Variants in PTPRN2 observed in about 807,000 individuals in gnomAD.
The protein encoded by PTPRN2 is protein tyrosine phosphatase receptor type N2.
Under a neutral mutation model 118.8 loss-of-function variants are expected in PTPRN2, and 74 were observed. The observed-to-expected ratio is 0.62, with a 90% CI of 0.52 to 0.76. The LOEUF is 0.76. PTPRN2 is among the 30% of genes least tolerant of loss of function. The pLI, the probability that PTPRN2 is intolerant of heterozygous loss-of-function variation, is 0.00. For missense variants in PTPRN2, 1,481 were observed against 1,394.4 expected (o/e 1.06, Z -0.99); for synonymous variants, 641 against 608.0 (o/e 1.05, Z -0.80).
At chr7:157,651,085 T>C (rs1805625496) in intron 14 of PTPRN2, among the ~76,000 whole-genome samples, 1 of 152,166 alleles carries the variant, frequency 6.6e-6, no homozygotes, top group African/African-American at 2.4e-5. Flanking sequence ...CGCTGGGAGT[T>C]CAGAAACCCC....
rs147690837 is a variant in PTPRN2 at position 158,133,845 on chromosome 7, G to A, written c.1388C>T (p.Ser463Leu). 33 of 1,613,920 alleles carry A rather than the reference G, an allele frequency of 2.0e-5. 1 individual carries two copies. Among genetic ancestry groups the A allele is most frequent in the African/African-American group, 2.0e-4 (15 of 75,058 alleles). ...CCCAAACGCAGCGGCCCCGGGCTCC[G>A]AATGCGGCTGCTGCCCCAGCAGATC... ...SKDLLGQQPHSEPGAAAFGEL... is the reference protein window; with the variant it reads ...SKDLLGQQPHLEPGAAAFGEL... The change falls in exon 9 of 23, where the codon TCG (serine) becomes TTG (leucine). Residue 463 changes from serine to leucine, a missense_variant. Physicochemically the swap from Ser to Leu is moderately radical, Grantham distance 145. Coordinates refer to ENST00000389418, the MANE Select transcript of PTPRN2 (RefSeq NM_002847.5).
intron 13 of PTPRN2, 81 bp downstream of exon 13, chr7:157,682,644 G>C: frequency 7.3e-7 from 1 of 1,366,444 alleles, no homozygotes; most frequent in Non-Finnish European, 1.0e-6. Flanking sequence ...GGGAATGGAG[G>C]AGGGGCCAGA....
intron 22 of PTPRN2, among the ~76,000 whole-genome samples, chr7:157,544,224 C>T (rs1401674550): frequency 1.3e-5 from 2 of 152,094 alleles, no homozygotes; most frequent in East Asian, 1.9e-4. Flanking sequence ...TTCAATGGCA[C>T]GGGAGGCCTT....
intron 11 of PTPRN2, among the ~76,000 whole-genome samples, chr7:158,063,932 G>A (rs1370623936): frequency 6.6e-6 from 1 of 152,170 alleles, no homozygotes; most frequent in Non-Finnish European, 1.5e-5. Context: ...ACATATGTAT[G>A]TGCTCAGAAA....
At chr7:158,413,531 C>T (rs958469627) in intron 2 of PTPRN2, among the ~76,000 whole-genome samples, 4 of 152,244 alleles carry the variant, frequency 2.6e-5, no homozygotes, top group African/African-American at 9.6e-5. Context: ...ATGAGGATCT[C>T]TTGTCCTTAA....
chr7:157,875,809 A>T (rs6953267), intron 12 of PTPRN2, among the ~76,000 whole-genome samples: 2,846 of 145,634 alleles, frequency 0.02, 72 homozygotes, highest in African/African-American at 0.068. Context: ...ACCGGGCTGC[A>T]GAGGGTCAGG....
intron 6 of PTPRN2, 139 bp from the exon 7 acceptor site, chr7:158,138,654 C>T: frequency 4.3e-6 from 3 of 702,764 alleles, no homozygotes; most frequent in South Asian, 1.8e-5. Flanking sequence ...GGCCAGTGCT[C>T]AGAGAAGATT....
chr7:157,635,567 G>A (rs1193693418), intron 14 of PTPRN2, among the ~76,000 whole-genome samples: 2 of 152,176 alleles, frequency 1.3e-5, no homozygotes, highest in Non-Finnish European at 2.9e-5. Context: ...TACAGATCTG[G>A]GACAATAAAC....
chr7:157,978,648 C>G (rs1563292139), intron 11 of PTPRN2, among the ~76,000 whole-genome samples: 1 of 151,914 alleles, frequency 6.6e-6, no homozygotes, highest in South Asian at 2.1e-4. Flanking sequence ...CAGAGGTGAG[C>G]AGCTGATCCA....
rs570822791 is a variant in PTPRN2 at position 157,671,287 on chromosome 7, C to A, written c.2001+11438G>T. ...GGCTGGTCTGGTGTGGGCAACAAGG[C>A]CCGCTCTGCACCCAGGCCTGCCTCC... On this transcript the variant is annotated intron_variant, in intron 13 of 22. Transcript: ENST00000389418. This position sits in a 1 kb window ranked among gnomAD's most constrained non-coding sequence, Gnocchi z 4.1. Among the ~76,000 whole-genome samples the A allele has an allele frequency of 8.0e-3, 1,214 of 152,310 alleles. 6 individuals are homozygous for A. The highest frequency in any genetic ancestry group is 0.012 in the Admixed American group (183 of 15,308).
At chr7:158,256,728 G>C (rs895355543) in intron 3 of PTPRN2, among the ~76,000 whole-genome samples, 1 of 152,042 alleles carries the variant, frequency 6.6e-6, no homozygotes, top group African/African-American at 2.4e-5. Context: ...ATTTGCCCGA[G>C]CTTAAAATTA....
intron 2 of PTPRN2, among the ~76,000 whole-genome samples, chr7:158,463,556 C>G (rs964601236): frequency 5.3e-5 from 8 of 151,374 alleles, no homozygotes; most frequent in Non-Finnish European, 8.8e-5. Context: ...TTATCACCAT[C>G]CTCATTGTCA....
intron 17 of PTPRN2, among the ~76,000 whole-genome samples, chr7:157,584,289 G>A (rs187988690): frequency 3.1e-4 from 47 of 152,086 alleles, no homozygotes; most frequent in South Asian, 1.2e-3. Context: ...TCTTTAGCCC[G>A]TATGTCTTTC....
At chr7:157,768,317 G>GCGTT (rs1802604031) in intron 12 of PTPRN2, among the ~76,000 whole-genome samples, 1 of 152,210 alleles carries the variant, frequency 6.6e-6, no homozygotes, top group African/African-American at 2.4e-5. Flanking sequence ...CAGCTCATCT[G>GCGTT]CGTTCGGCTG....
intron 11 of PTPRN2, among the ~76,000 whole-genome samples, chr7:158,047,986 G>A (rs1809007993): frequency 6.6e-6 from 1 of 152,144 alleles, no homozygotes; most frequent in African/African-American, 2.4e-5. Flanking sequence ...GCATGAGGCA[G>A]GAAGAGCTAG....
At chr7:158,080,221 G>A (rs747537619) in intron 11 of PTPRN2, among the ~76,000 whole-genome samples, 32 of 145,492 alleles carry the variant, frequency 2.2e-4, no homozygotes, top group Non-Finnish European at 3.0e-4. Flanking sequence ...GTACAGTGAC[G>A]CCTCAATCAA....
rs906377608 is a variant in PTPRN2, at chr7:158,093,557, A to T, written c.1644-12180T>A. 6.6e-6 allele frequency among the ~76,000 whole-genome samples: 1 copy of T among 152,190 alleles called. No homozygotes were observed. The highest frequency in any genetic ancestry group is 1.5e-5 in the Non-Finnish European group (1 of 68,040). On this transcript the variant is annotated intron_variant, in intron 10 of 22. Coordinates refer to ENST00000389418, the MANE Select transcript of PTPRN2 (RefSeq NM_002847.5). The surrounding 1 kb of genome is among the most constrained non-coding windows in gnomAD (Gnocchi z 4.4). Reference sequence around the variant, plus strand: ...GGTGCTGGGCTAATCCAAGCTACCGACAGAAAACCAATAAAAAAATGAGCT... The same window carrying T: ...GGTGCTGGGCTAATCCAAGCTACCGTCAGAAAACCAATAAAAAAATGAGCT...
intron 11 of PTPRN2, among the ~76,000 whole-genome samples, chr7:158,056,792 C>G (rs755753893): frequency 6.6e-6 from 1 of 152,204 alleles, no homozygotes; most frequent in Non-Finnish European, 1.5e-5. Flanking sequence ...CTCATTGACC[C>G]CCTTGGAGTC....
chr7:157,882,607 C>T (rs1239505755), intron 12 of PTPRN2, among the ~76,000 whole-genome samples: 1 of 151,452 alleles, frequency 6.6e-6, no homozygotes, highest in African/African-American at 2.4e-5. Context: ...CCAGAACACA[C>T]CACCGCAAAA....
Sources: gnomAD v4.1 joint callset for allele counts (sites outside exome capture counted in the v4.1 genomes callset) on GRCh38, gnomAD v4.1.1 for gene constraint, Gnocchi (gnomAD v3.1) non-coding constraint, MANE v1.5 for transcripts, NCBI Gene and HGNC (gene_info 2026-07-23, HGNC 2026-07-21) for gene names.